The following SCNN1B variants were observed in gnomAD, a reference collection of about 807,000 sequenced individuals.
The protein encoded by SCNN1B is sodium channel epithelial 1 subunit beta.
A neutral mutation model predicts 65.3 loss-of-function variants in SCNN1B; 46 were observed. The ratio of observed to expected loss-of-function variants is 0.70; its 90% CI spans 0.56 to 0.90. The LOEUF is 0.90. Ranked by LOEUF, SCNN1B falls within the 40% of genes least tolerant of loss-of-function variation. The probability of loss-of-function intolerance (pLI) is 0.00; values close to 1 mark genes in which losing one functional copy is unlikely to be tolerated. For missense variants in SCNN1B, 751 were observed against 830.5 expected (o/e 0.90, Z 1.18); for synonymous variants, 349 against 330.6 (o/e 1.06, Z -0.60).
At chr16:23,296,794 G>A (rs1180704016) in intron 2 of SCNN1B, among the ~76,000 whole-genome samples, 5 of 152,102 alleles carry the variant, frequency 3.3e-5, no homozygotes, top group African/African-American at 1.2e-4. Flanking sequence ...GGGGTCAGGA[G>A]ATCGGGACCA....
intron 3 of SCNN1B, 62 bp from the exon 4 acceptor site, chr16:23,355,237 G>T (rs1332793528): frequency 1.3e-6 from 2 of 1,550,472 alleles, no homozygotes; most frequent in East Asian, 4.5e-5. Context: ...CCCTCGAGCA[G>T]TGGCTGGGGT....
intron 10 of SCNN1B, among the ~76,000 whole-genome samples, chr16:23,378,093 C>T (rs182277867): frequency 2.6e-5 from 4 of 152,266 alleles, no homozygotes; most frequent in Admixed American, 6.5e-5. Context: ...ACTGAAGCCT[C>T]GAACTCCTGG....
At chr16:23,296,451 G>A (rs1007458020) in intron 2 of SCNN1B, among the ~76,000 whole-genome samples, 1 of 152,184 alleles carries the variant, frequency 6.6e-6, no homozygotes, top group Non-Finnish European at 1.5e-5. Context: ...CCACTCGAGG[G>A]CTGTCAGTTT....
chr16:23,353,344 A>T, intron 3 of SCNN1B: 2 of 517,720 alleles, frequency 3.9e-6, no homozygotes, highest in Non-Finnish European at 7.0e-6. Flanking sequence ...GGTATACTGC[A>T]TTCAGGCAAG....
At chr16:23,300,329 T>C (rs1455896214), upstream of SCNN1B, among the ~76,000 whole-genome samples, 1 of 151,880 alleles carries the variant, frequency 6.6e-6, no homozygotes, top group Non-Finnish European at 1.5e-5. Context: ...ATCCCAGAAC[T>C]TAAAGTATAA....
At chr16:23,342,651 T>C (rs1962076983) in intron 1 of SCNN1B, among the ~76,000 whole-genome samples, 1 of 151,020 alleles carries the variant, frequency 6.6e-6, no homozygotes, top group Admixed American at 6.6e-5. Flanking sequence ...ACACTAACAA[T>C]AGCTGATGAG....
chr16:23,377,190 G>C lies in SCNN1B; in HGVS notation c.1296G>C (p.Met432Ile). ...DWAHCYSDLQ[M>I]SVAQRETCIG... Reference sequence around the variant, plus strand: ...CCCATTGCTACTCAGATCTACAGATGAGCGTGGCGCAGAGAGAGACCTGCA... The same window carrying C: ...CCCATTGCTACTCAGATCTACAGATCAGCGTGGCGCAGAGAGAGACCTGCA... Residue 432 changes from methionine (M) to isoleucine (I), a missense_variant, in exon 9 of 13, where the codon ATG becomes ATC. Met to Ile is a conservative substitution (Grantham distance 10). Coordinates refer to ENST00000343070, the MANE Select transcript of SCNN1B (RefSeq NM_000336.3). 6.2e-7 allele frequency: 1 copy of C among 1,614,220 alleles called. No homozygotes were observed. Among genetic ancestry groups the C allele is most frequent in the Non-Finnish European group, 8.5e-7 (1 of 1,180,012 alleles).
At chr16:23,320,256 T>TA (rs2141993577) in intron 1 of SCNN1B, among the ~76,000 whole-genome samples, 1 of 152,246 alleles carries the variant, frequency 6.6e-6, no homozygotes, top group East Asian at 1.9e-4. Context: ...GGAAGGCTGT[T>TA]AAAACCCAGA....
intron 2 of SCNN1B, among the ~76,000 whole-genome samples, chr16:23,296,280 G>A (rs538052162): frequency 6.6e-6 from 1 of 152,266 alleles, no homozygotes; most frequent in African/African-American, 2.4e-5. Context: ...AGCCAAGCAG[G>A]AATAGGAGCC....
At position 23,311,665 on chromosome 16, in the gene SCNN1B, C is replaced by A. The variant is rs371679025; in HGVS notation, c.-9+9228C>A. 2.6e-5 allele frequency among the ~76,000 whole-genome samples: 4 copies of A among 152,248 alleles called. No homozygotes were observed. The South Asian group carries it at 8.3e-4, about 32-fold the overall frequency. On this transcript the variant is annotated intron_variant, in intron 1 of 12. Transcript: ENST00000343070. ...AGAAGGAGTTGGAGAGAGGCTTTGGCAGGTTGGGTTAGGGAGCGAGACCAT... is the reference window on the plus strand; with the variant it reads ...AGAAGGAGTTGGAGAGAGGCTTTGGAAGGTTGGGTTAGGGAGCGAGACCAT...
chr16:23,310,136 G>A (rs1356437525), intron 1 of SCNN1B, among the ~76,000 whole-genome samples: 1 of 152,128 alleles, frequency 6.6e-6, no homozygotes. Flanking sequence ...CAGCACTCAG[G>A]AAGGCTGAGG....
At chr16:23,296,552 C>T (rs1960999813) in intron 2 of SCNN1B, among the ~76,000 whole-genome samples, 1 of 152,100 alleles carries the variant, frequency 6.6e-6, no homozygotes. Context: ...TCCTTGACAC[C>T]TCCAGGTCTG....
intron 2 of SCNN1B, among the ~76,000 whole-genome samples, chr16:23,288,321 A>G (rs894716880): frequency 6.6e-6 from 1 of 152,178 alleles, no homozygotes; most frequent in Non-Finnish European, 1.5e-5. Flanking sequence ...TCTCCTTTTA[A>G]TTACAAATTT....
upstream of SCNN1B, among the ~76,000 whole-genome samples, chr16:23,299,059 CTTTTTT>C (rs552336545): frequency 2.3e-5 from 3 of 130,554 alleles, no homozygotes; most frequent in East Asian, 2.2e-4. Context: ...TTTTCTTTTT[CTTTTTT>C]TTTTTTTTTT....
In SCNN1B at chr16:23,380,923, G is replaced by A; in HGVS notation, c.*122G>A. On this transcript the variant is annotated 3_prime_UTR_variant, in exon 13 of 13. Transcript: ENST00000343070. The surrounding 1 kb of genome is among the most constrained non-coding windows in gnomAD (Gnocchi z 5.4). The stretch of plus-strand genomic sequence containing the variant: ...AGGGTAGCTCTCCAGGCCAGAGCTT[G>A]TGTCCTTCAACAGAGAGGCCAGCGG... The A allele has an allele frequency of 9.0e-7, 1 of 1,116,058 alleles. No individual in the cohort carries two copies. The allele number at this position is 1,116,058 out of a possible 1,614,324, so 69.1% of individuals were successfully genotyped here.
Position 23,352,794 on chromosome 16 carries a change from C to A in SCNN1B, c.312-7C>A. On this transcript the variant is annotated splice_region_variant and splice_polypyrimidine_tract_variant and intron_variant, in intron 2 of 12. Transcript: ENST00000343070. ...CCTTCCCCCTAACCAGCCCTCTCCC[C>A]ATCCAGGTATTCCAAAATCAAGCAT... 2 of 1,614,154 alleles carry A rather than the reference C, an allele frequency of 1.2e-6. No individual in the cohort carries two copies. Among genetic ancestry groups the A allele is most frequent in the South Asian group, 1.1e-5 (1 of 91,062 alleles).
chr16:23,378,608 A>G, intron 10 of SCNN1B, 98 bp from the exon 11 acceptor site: 1 of 1,094,312 alleles, frequency 9.1e-7, no homozygotes, highest in Non-Finnish European at 1.4e-6. Context: ...GGCCTCAGGA[A>G]GGGACAGGGC....
In SCNN1B at chr16:23,348,354, C is replaced by T. The variant is rs1333232348; in HGVS notation, c.-8-238C>T. Among the ~76,000 whole-genome samples, 2 of 151,284 alleles carry T rather than the reference C, an allele frequency of 1.3e-5. No homozygotes were observed. Among genetic ancestry groups the T allele is most frequent in the African/African-American group, 4.9e-5 (2 of 41,072 alleles). The stretch of plus-strand genomic sequence containing the variant: ...TGAGTCCAGAAGGACCATTTGAGTG[C>T]CTGGCATATAGTAGGCATTCAATAA... On this transcript the variant is annotated intron_variant, in intron 1 of 12. Coordinates refer to ENST00000343070, the MANE Select transcript of SCNN1B (RefSeq NM_000336.3). The surrounding 1 kb of genome is among the most constrained non-coding windows in gnomAD (Gnocchi z 4.5).
upstream of SCNN1B, among the ~76,000 whole-genome samples, chr16:23,301,267 C>T (rs1050585844): frequency 2.7e-5 from 4 of 150,770 alleles, no homozygotes; most frequent in Admixed American, 2.6e-4. Context: ...GAGGCTGAGG[C>T]AGGAGAATTG....
Sources: gnomAD v4.1 joint callset for allele counts (sites outside exome capture counted in the v4.1 genomes callset) on GRCh38, gnomAD v4.1.1 for gene constraint, Gnocchi (gnomAD v3.1) non-coding constraint, MANE v1.5 for transcripts, NCBI Gene and HGNC (gene_info 2026-07-23, HGNC 2026-07-21) for gene names.